The following TAOK3 variants were observed in gnomAD, a reference collection of about 807,000 sequenced individuals.
TAOK3 encodes the protein TAO kinase 3.
TAOK3 carries 40 observed loss-of-function variants against 120.4 expected under a neutral mutation model. The ratio of observed to expected loss-of-function variants is 0.33; its 90% CI spans 0.26 to 0.43. TAOK3 has a LOEUF of 0.43. Ranked by LOEUF, TAOK3 falls within the 20% of genes least tolerant of loss-of-function variation. The pLI is 1.00. For synonymous variants in TAOK3, 355 were observed against 387.5 expected, an observed-to-expected ratio of 0.92 and a Z score of 0.99; for missense variants, 821 against 1,112.1, an observed-to-expected ratio of 0.74 and a Z score of 3.72.
chr12:118,215,036 C>T (rs1448792883), intron 9 of TAOK3, among the ~76,000 whole-genome samples: 1 of 151,380 alleles, frequency 6.6e-6, no homozygotes, highest in African/African-American at 2.4e-5. Flanking sequence ...TGCGCCACTG[C>T]GCCCGGCCTA....
intron 1 of TAOK3, among the ~76,000 whole-genome samples, chr12:118,366,681 G>C (rs1056556338): frequency 6.6e-6 from 1 of 152,182 alleles, no homozygotes; most frequent in Non-Finnish European, 1.5e-5. Flanking sequence ...GGCCAGAGGT[G>C]AAGTGAAAGG....
intron 15 of TAOK3, among the ~76,000 whole-genome samples, chr12:118,179,219 G>A (rs947813873): frequency 6.6e-6 from 1 of 152,142 alleles, no homozygotes; most frequent in Non-Finnish European, 1.5e-5. Flanking sequence ...GAGAGACCAA[G>A]AGAGACAGAG....
At chr12:118,253,789 C>T (rs1170298398) in intron 3 of TAOK3, among the ~76,000 whole-genome samples, 1 of 150,192 alleles carries the variant, frequency 6.7e-6, no homozygotes, top group African/African-American at 2.5e-5. Flanking sequence ...TGCAGTGGCT[C>T]ACGCCTGTAA....
intron 12 of TAOK3, 136 bp from the exon 13 acceptor site, chr12:118,199,393 G>A (rs1593133139): frequency 1.5e-6 from 1 of 676,450 alleles, no homozygotes; most frequent in East Asian, 2.7e-5. Context: ...AACTTTTTAT[G>A]TACTGGCTCC....
rs181407702 is a variant in TAOK3 at position 118,221,566 on chromosome 12, A to G, written c.644-7456T>C. 2.6e-5 allele frequency among the ~76,000 whole-genome samples: 4 copies of G among 151,986 alleles called. No homozygotes were observed. The East Asian group carries it at 7.8e-4, about 29-fold the overall frequency. The stretch of plus-strand genomic sequence containing the variant: ...GTAGTTTGAATAAAGCTTCTTCTAC[A>G]TATGCAGCAGAATAGGAATTGGGAA... On this transcript the variant is annotated intron_variant, in intron 9 of 20. Coordinates refer to ENST00000392533, the MANE Select transcript of TAOK3 (RefSeq NM_016281.4).
intron 1 of TAOK3, among the ~76,000 whole-genome samples, chr12:118,355,772 T>C (rs1033243653): frequency 6.6e-6 from 1 of 152,224 alleles, no homozygotes; most frequent in African/African-American, 2.4e-5. Flanking sequence ...CACTGAGCTC[T>C]TCCTTTACAG....
intron 1 of TAOK3, among the ~76,000 whole-genome samples, chr12:118,306,607 A>G (rs2043061539): frequency 6.6e-6 from 1 of 152,212 alleles, no homozygotes; most frequent in African/African-American, 2.4e-5. Flanking sequence ...CAAGTTCTTG[A>G]GTCTAAAATT....
At chr12:118,304,382 T>G (rs928070145) in intron 1 of TAOK3, among the ~76,000 whole-genome samples, 3 of 152,214 alleles carry the variant, frequency 2.0e-5, no homozygotes, top group Non-Finnish European at 4.4e-5. Flanking sequence ...CTGTTTGAAC[T>G]AGGCCGACTA....
chr12:118,314,251 T>C lies in TAOK3; in HGVS notation c.-193-47492A>G, dbSNP rs548393541. Among the ~76,000 whole-genome samples the C allele has an allele frequency of 1.3e-4, 20 of 152,360 alleles. No homozygotes were observed. In the South Asian group the frequency reaches 3.7e-3, roughly 28 times the overall value. Reference sequence around the variant, plus strand: ...ATATGTTTTTACCCAAAATCAATGTTTCATATGGAATTTAGGTTTTCAGGT... The same window carrying C: ...ATATGTTTTTACCCAAAATCAATGTCTCATATGGAATTTAGGTTTTCAGGT... On this transcript the variant is annotated intron_variant, in intron 1 of 20. Coordinates refer to ENST00000392533, the MANE Select transcript of TAOK3 (RefSeq NM_016281.4).
At chr12:118,236,949 C>CA (rs1370665424) in intron 7 of TAOK3, among the ~76,000 whole-genome samples, 2 of 152,006 alleles carry the variant, frequency 1.3e-5, no homozygotes, top group Non-Finnish European at 2.9e-5. Flanking sequence ...AATAATGGCA[C>CA]AAAAAACTGA....
intron 2 of TAOK3, among the ~76,000 whole-genome samples, chr12:118,263,323 AC>A (rs2041311785): frequency 2.6e-5 from 4 of 152,198 alleles, no homozygotes; most frequent in Non-Finnish European, 1.5e-5. Context: ...CATACTAACA[AC>A]CTGTGTAAAA....
chr12:118,344,061 A>T (rs2044748158), intron 1 of TAOK3, among the ~76,000 whole-genome samples: 1 of 151,726 alleles, frequency 6.6e-6, no homozygotes, highest in African/African-American at 2.4e-5. Context: ...TACAAGATTA[A>T]GAAAAGAAAC....
intron 16 of TAOK3, among the ~76,000 whole-genome samples, chr12:118,173,062 A>G (rs886447362): frequency 6.6e-6 from 1 of 152,252 alleles, no homozygotes; most frequent in East Asian, 1.9e-4. Flanking sequence ...AATTACTGTG[A>G]TCACTGCTTT....
At chr12:118,154,757 TAA>T (rs1443718318) in intron 19 of TAOK3, among the ~76,000 whole-genome samples, 1 of 152,084 alleles carries the variant, frequency 6.6e-6, no homozygotes. Context: ...AAAAGTTTTA[TAA>T]GAGTATAGGT....
In TAOK3 at chr12:118,217,816, CATATATATATATATATAT is replaced by C. The variant is rs57197721; in HGVS notation, c.644-3724_644-3707del. ...GTATGTATGTGTGTGTGTGTGTATA[CATATATATATATATATAT>C]ATATATATATATATATATATATATA... is the stretch of plus-strand genomic sequence containing the variant. On this transcript the variant is annotated intron_variant, in intron 9 of 20. Coordinates refer to ENST00000392533, the MANE Select transcript of TAOK3 (RefSeq NM_016281.4). 2.0e-3 allele frequency among the ~76,000 whole-genome samples: 94 copies of C among 45,990 alleles called. 3 individuals carry two copies. Among genetic ancestry groups the C allele is most frequent in the African/African-American group, 6.3e-3 (77 of 12,306 alleles). The allele number at this position is 45,990 out of a possible 152,430, so 30.2% of individuals were successfully genotyped here. A position where few individuals can be genotyped will look rare whatever the true frequency, so the allele number is the denominator to read the frequency against.
chr12:118,270,669 C>CT (rs761296706), intron 1 of TAOK3, among the ~76,000 whole-genome samples: 4,621 of 125,904 alleles, frequency 0.037, 269 homozygotes, highest in African/African-American at 0.092. Flanking sequence ...CTAAATGTCA[C>CT]TTTTTTTTTT....
chr12:118,165,798 AG>A (rs1447443392), intron 17 of TAOK3, among the ~76,000 whole-genome samples: 1 of 152,254 alleles, frequency 6.6e-6, no homozygotes, highest in Non-Finnish European at 1.5e-5. Context: ...TCTATTCAGA[AG>A]GGAATACATG....
chr12:118,241,295 A>G (rs2040239763), intron 5 of TAOK3, among the ~76,000 whole-genome samples: 1 of 152,000 alleles, frequency 6.6e-6, no homozygotes, highest in African/African-American at 2.4e-5. Flanking sequence ...ATTCTACATG[A>G]GTAAATGTTA....
intron 11 of TAOK3, among the ~76,000 whole-genome samples, chr12:118,205,224 A>T: frequency 6.7e-6 from 1 of 149,214 alleles, no homozygotes; most frequent in East Asian, 2.0e-4. Flanking sequence ...AAAATTAGCC[A>T]GGCGTGGTAG....
Sources: gnomAD v4.1 joint callset for allele counts (sites outside exome capture counted in the v4.1 genomes callset) on GRCh38, gnomAD v4.1.1 for gene constraint, MANE v1.5 for transcripts, NCBI Gene and HGNC (gene_info 2026-07-23, HGNC 2026-07-21) for gene names.